Variants in GCH1 observed in about 807,000 individuals in gnomAD.
The protein encoded by GCH1 is GTP cyclohydrolase 1.
In GCH1, 5 loss-of-function variants were observed where a neutral mutation model predicts 25.9. The observed-to-expected ratio is 0.19, with a 90% CI of 0.10 to 0.41. GCH1 has a LOEUF of 0.41. GCH1 is among the 10% of genes least tolerant of loss of function. The pLI is 1.00. For synonymous variants in GCH1, 159 were observed against 129.6 expected (o/e 1.23, Z -1.54); for missense variants, 261 against 336.5 (o/e 0.78, Z 1.75).
chr14:54,890,540 T>C (rs979924167), intron 1 of GCH1, among the ~76,000 whole-genome samples: 12 of 152,118 alleles, frequency 7.9e-5, no homozygotes, highest in Non-Finnish European at 1.2e-4. Flanking sequence ...CTAGATGAAG[T>C]AGCAACATGT....
intron 4 of GCH1, among the ~76,000 whole-genome samples, chr14:54,846,679 C>T (rs2039645577): frequency 6.6e-6 from 1 of 152,218 alleles, no homozygotes; most frequent in Non-Finnish European, 1.5e-5. Flanking sequence ...AAACAGTAGA[C>T]TTTTTATAGT....
Position 54,859,856 on chromosome 14 carries a change from T to C in GCH1, c.454-120A>G, listed in dbSNP as rs1428765322. On this transcript the variant is annotated intron_variant, in intron 2 of 5. Transcript: ENST00000491895. ...TATGTAATTTATCACGACAATGTATTACCTTGAAAACATCTGGAACTGTTA... is the reference window on the plus strand; with the variant it reads ...TATGTAATTTATCACGACAATGTATCACCTTGAAAACATCTGGAACTGTTA... 4.3e-6 allele frequency: 3 copies of C among 703,160 alleles called. No individual in the cohort carries two copies. The African/African-American group carries it at 5.3e-5, about 12-fold the overall frequency. The allele number at this position is 703,160 out of a possible 1,614,324, so 43.6% of individuals were successfully genotyped here. A position where few individuals can be genotyped will look rare whatever the true frequency, so the allele number is the denominator to read the frequency against.
chr14:54,870,217 G>A (rs537437169), intron 1 of GCH1, among the ~76,000 whole-genome samples: 11 of 151,922 alleles, frequency 7.2e-5, no homozygotes, highest in Admixed American at 2.6e-4. Flanking sequence ...TAATTTTTAG[G>A]CTGGGTGCGG....
chr14:54,858,470 G>T (rs2039846703), intron 3 of GCH1, among the ~76,000 whole-genome samples: 1 of 151,960 alleles, frequency 6.6e-6, no homozygotes, highest in African/African-American at 2.4e-5. Flanking sequence ...ATTTTTAGTA[G>T]AGATGGGGTT....
Position 54,899,904 on chromosome 14 carries a change from G to A in GCH1, c.343+2417C>T, listed in dbSNP as rs139993943. Among the ~76,000 whole-genome samples the A allele has an allele frequency of 9.7e-3, 1,447 of 148,900 alleles. 27 individuals carry two copies. Among genetic ancestry groups the A allele is most frequent in the African/African-American group, 0.034 (1,356 of 40,426 alleles). ...TTTGAAATGGAGTTTAGTTCTTGTT[G>A]CCCAGGCTGGAGTGTAATGGTGCGA... On this transcript the variant is annotated intron_variant, in intron 1 of 5. Coordinates refer to ENST00000491895, the MANE Select transcript of GCH1 (RefSeq NM_000161.3).
intron 1 of GCH1, among the ~76,000 whole-genome samples, chr14:54,890,076 G>A (rs1260374829): frequency 1.3e-5 from 2 of 152,202 alleles, no homozygotes; most frequent in Non-Finnish European, 2.9e-5. Context: ...AAGAAGGCCA[G>A]TTAAGAGGTT....
At chr14:54,870,876 G>T (rs962416647) in intron 1 of GCH1, among the ~76,000 whole-genome samples, 1 of 152,206 alleles carries the variant, frequency 6.6e-6, no homozygotes, top group African/African-American at 2.4e-5. Context: ...GGAGCCCACC[G>T]CAGCTCAAGG....
rs1269462364 is a variant in GCH1 at position 54,902,379 on chromosome 14, G to A, written c.285C>T (p.Pro95=). The change falls in exon 1 of 6, where the codon CCC becomes CCT. Residue 95 remains proline, a synonymous_variant. Coordinates refer to ENST00000491895, the MANE Select transcript of GCH1 (RefSeq NM_000161.3). The part of the protein sequence containing the change: ...NPQRQGLLKT[P]WRAASAMQFF... ...ACTGCATGGCCGAGGCCGCCCTCCAGGGCGTCTTGAGCAGCCCTTGCCGCT... is the reference window on the plus strand; with the variant it reads ...ACTGCATGGCCGAGGCCGCCCTCCAAGGCGTCTTGAGCAGCCCTTGCCGCT... 1.9e-6 allele frequency: 3 copies of A among 1,613,060 alleles called. No individual in the cohort carries two copies. Among genetic ancestry groups the A allele is most frequent in the Non-Finnish European group, 1.7e-6 (2 of 1,179,866 alleles).
chr14:54,846,040 C>CA (rs2039637554), intron 4 of GCH1, among the ~76,000 whole-genome samples, 188 bp from the exon 5 acceptor site: 1 of 152,226 alleles, frequency 6.6e-6, no homozygotes, highest in Non-Finnish European at 1.5e-5. Context: ...TCAACTCCCT[C>CA]ACCTGAAGTA....
chr14:54,852,541 G>A (rs1281727511), intron 3 of GCH1, among the ~76,000 whole-genome samples: 1 of 152,210 alleles, frequency 6.6e-6, no homozygotes, highest in Non-Finnish European at 1.5e-5. Flanking sequence ...TGGGATGTGG[G>A]AGGAAACAGA....
chr14:54,892,239 T>C (rs1028015358), intron 1 of GCH1, among the ~76,000 whole-genome samples: 1 of 152,222 alleles, frequency 6.6e-6, no homozygotes, highest in African/African-American at 2.4e-5. Flanking sequence ...TTCTGAATGA[T>C]GGCAATCCAG....
chr14:54,864,572 A>C (rs1234587002), intron 2 of GCH1, among the ~76,000 whole-genome samples: 1 of 152,178 alleles, frequency 6.6e-6, no homozygotes, highest in Non-Finnish European at 1.5e-5. Context: ...AGAGTCACAC[A>C]TTTGTATTTA....
chr14:54,875,459 C>T (rs1036615981), intron 1 of GCH1, among the ~76,000 whole-genome samples: 2 of 152,074 alleles, frequency 1.3e-5, no homozygotes, highest in African/African-American at 4.8e-5. Context: ...CAACAAAAGC[C>T]AAAATTGACA....
rs2040584550 is a variant in GCH1, at chr14:54,902,529, C to T, written c.135G>A (p.Lys45=). 2 of 1,581,510 alleles carry T rather than the reference C, an allele frequency of 1.3e-6. No individual in the cohort carries two copies. Among genetic ancestry groups the T allele is most frequent in the Middle Eastern group, 1.9e-4 (1 of 5,372 alleles). ...PAEKPPRPEA[K]SAQPADGWKG... is the part of the protein sequence containing the mutation. Reference sequence around the variant, plus strand: ...TCCAGCCGTCCGCGGGCTGCGCGCTCTTGGCCTCGGGCCGCGGGGGCTTCT... The same window carrying T: ...TCCAGCCGTCCGCGGGCTGCGCGCTTTTGGCCTCGGGCCGCGGGGGCTTCT... Residue 45 remains lysine, a synonymous_variant, in exon 1 of 6, where the codon AAG becomes AAA. Coordinates refer to ENST00000491895, the MANE Select transcript of GCH1 (RefSeq NM_000161.3).
At chr14:54,885,427 A>G in intron 1 of GCH1, 2 of 232,090 alleles carry the variant, frequency 8.6e-6, no homozygotes, top group South Asian at 1.2e-4. Flanking sequence ...TTTCAGGTTC[A>G]GGTAATGGGG....
chr14:54,863,160 C>T (rs2039931141), intron 2 of GCH1, among the ~76,000 whole-genome samples: 1 of 152,044 alleles, frequency 6.6e-6, no homozygotes, highest in Admixed American at 6.5e-5. Flanking sequence ...TGGCTCACGC[C>T]TGTAATCCCA....
chr14:54,859,458 G>C, intron 3 of GCH1: 1 of 563,206 alleles, frequency 1.8e-6, no homozygotes, highest in Non-Finnish European at 3.2e-6. Context: ...CAGGATGTAT[G>C]TATCTATGGA....
At chr14:54,845,659 A>C (rs937681618) in intron 5 of GCH1, 109 bp downstream of exon 5, 2 of 771,812 alleles carry the variant, frequency 2.6e-6, no homozygotes, top group African/African-American at 1.7e-5. Flanking sequence ...TACAGTTATC[A>C]TATCAGTTGT....
At chr14:54,899,321 C>G (rs1256337579) in intron 1 of GCH1, among the ~76,000 whole-genome samples, 2 of 152,000 alleles carry the variant, frequency 1.3e-5, no homozygotes, top group African/African-American at 2.4e-5. Context: ...ATTAGCAGGG[C>G]ATGGTGGCAC....
Sources: gnomAD v4.1 joint callset for allele counts (sites outside exome capture counted in the v4.1 genomes callset) on GRCh38, gnomAD v4.1.1 for gene constraint, MANE v1.5 for transcripts, NCBI Gene and HGNC (gene_info 2026-07-23, HGNC 2026-07-21) for gene names.